The following GDPD2 variants were observed in gnomAD, a reference collection of about 807,000 sequenced individuals.
GDPD2 encodes glycerophosphodiester phosphodiesterase 3.
A neutral mutation model predicts 49.2 loss-of-function variants in GDPD2; 23 were observed. The observed-to-expected ratio is 0.47, with a 90% CI of 0.34 to 0.66. GDPD2 has a LOEUF of 0.66. Among genes scored for constraint, GDPD2 ranks in the 30% least tolerant of loss-of-function variants. The probability of loss-of-function intolerance (pLI) is 0.01; values close to 1 mark genes in which losing one functional copy is unlikely to be tolerated. For synonymous variants in GDPD2, 167 were observed against 171.4 expected (o/e 0.97, Z 0.20); for missense variants, 338 against 424.7 (o/e 0.80, Z 1.79).
rs10578514 is a variant in GDPD2, at chrX:70,428,092, TACAC to T, written c.936+654_936+657del. Among the ~76,000 whole-genome samples the T allele has an allele frequency of 8.0e-3, 846 of 106,213 alleles. 10 individuals carry two copies. The highest frequency in any genetic ancestry group is 0.046 in the East Asian group (157 of 3,378). 92.2% of individuals were successfully genotyped at this position (106,213 alleles called of 115,157 possible). ...GAAATATTCACTGTTAACAGTTGGA[TACAC>T]ACACACACACACACACACACACACT... On this transcript the variant is annotated intron_variant, in intron 10 of 15. Transcript: ENST00000374382.
chrX:70,432,842 C>G (rs1412091616), intron 14 of GDPD2, 70 bp from the exon 15 acceptor site: 11 of 868,539 alleles, frequency 1.3e-5, no homozygotes, highest in African/African-American at 3.9e-5. Context: ...TTGGGGGGAG[C>G]AGGTGTGGGG....
intron 10 of GDPD2, chrX:70,427,860 G>C (rs1035979843): frequency 7.8e-6 from 1 of 128,865 alleles, no homozygotes; most frequent in Non-Finnish European, 1.6e-5. Flanking sequence ...AGGGAGCAGA[G>C]GCTTGGCCTT....
intron 10 of GDPD2, 143 bp from the exon 11 acceptor site, chrX:70,429,350 G>A: frequency 2.2e-6 from 1 of 455,642 alleles, no homozygotes; most frequent in East Asian, 3.7e-5. Context: ...CGGTCTGGAA[G>A]AAGGCCACAG....
intron 6 of GDPD2, 41 bp from the exon 7 acceptor site, chrX:70,426,607 G>A: frequency 2.7e-6 from 3 of 1,092,609 alleles, no homozygotes; most frequent in Admixed American, 2.3e-5. Context: ...AGCGGGGAGG[G>A]GCACTGGAGA....
In GDPD2 at chrX:70,425,858, T is replaced by G; in HGVS notation, c.303+2T>G. The G allele has an allele frequency of 8.9e-7, 1 of 1,125,883 alleles. No individual in the cohort carries two copies. The highest frequency in any genetic ancestry group is 3.0e-5 in the East Asian group (1 of 33,458). 92.8% of individuals were successfully genotyped at this position (1,125,883 alleles called of 1,213,427 possible). ...GTCACATATGCATCCTTGCTATTGG[T>G]GGGTCCGGAGGCCGCTGGCCTAACC... On this transcript the variant is annotated splice_donor_variant, in intron 4 of 15. Transcript: ENST00000374382. LOFTEE classifies it high-confidence loss of function.
intron 10 of GDPD2, chrX:70,427,784 A>C (rs2086439585): frequency 5.6e-6 from 1 of 178,098 alleles, no homozygotes; most frequent in Admixed American, 7.0e-5. Flanking sequence ...AGAAGTCTGA[A>C]AAAGGGTGTT....
rs1220534857 is a variant in GDPD2, at chrX:70,429,603, C to T, written c.1047C>T (p.Asn349=). 6.6e-6 allele frequency: 8 copies of T among 1,206,539 alleles called. No individual in the cohort carries two copies. The highest frequency in any genetic ancestry group is 3.0e-5 in the East Asian group (1 of 33,815). ...EELLEEAAAL[N]LSIMFDLRRP... Reference sequence around the variant, plus strand: ...TATTGGAGGAAGCTGCAGCCCTCAACCTTTCCATCATGTTCGACTTGCGCC... The same window carrying T: ...TATTGGAGGAAGCTGCAGCCCTCAATCTTTCCATCATGTTCGACTTGCGCC... The change falls in exon 11 of 16, where the codon AAC becomes AAT. Residue 349 remains asparagine (N), a synonymous_variant. Transcript: ENST00000374382.
intron 3 of GDPD2, 35 bp downstream of exon 3, chrX:70,425,492 C>T (rs1164182775): frequency 2.1e-6 from 2 of 937,524 alleles, no homozygotes; most frequent in South Asian, 1.9e-5. Context: ...CCCCAGCATA[C>T]CTGTCAACCT....
At chrX:70,427,280 A>T (rs2086434750) in intron 9 of GDPD2, 33 bp from the exon 10 acceptor site, 1 of 1,206,899 alleles carries the variant, frequency 8.3e-7, no homozygotes, top group Non-Finnish European at 1.1e-6. Context: ...CCAGCCCCAG[A>T]GCTTGGCCCT....
At chrX:70,431,186 C>T in intron 12 of GDPD2, 1 of 906,895 alleles carries the variant, frequency 1.1e-6, no homozygotes, top group Non-Finnish European at 1.5e-6. Context: ...GGGTTTGGTT[C>T]TCACCTTAGT....
Position 70,431,275 on chromosome X carries a change from A to G in GDPD2, c.1308-1032A>G, listed in dbSNP as rs892530303. The G allele has an allele frequency of 4.6e-5, 21 of 459,530 alleles. No individual in the cohort carries two copies. The African/African-American group carries it at 5.1e-4, about 11-fold the overall frequency. The allele number at this position is 459,530 out of a possible 1,213,427, so 37.9% of individuals were successfully genotyped here. A position where few individuals can be genotyped will look rare whatever the true frequency, so the allele number is the denominator to read the frequency against. ...ATGTGAATTGGTATTGAATACACTG[A>G]TGATGGAATCGAGGCCCTGAAAGGT... is the stretch of plus-strand genomic sequence containing the variant. On this transcript the variant is annotated intron_variant, in intron 12 of 15. Coordinates refer to ENST00000374382, the MANE Select transcript of GDPD2 (RefSeq NM_017711.4).
At chrX:70,426,159 C>A in intron 5 of GDPD2, 48 bp downstream of exon 5, 1 of 1,059,483 alleles carries the variant, frequency 9.4e-7, no homozygotes, top group Non-Finnish European at 1.3e-6. Context: ...CTGGGCTCAG[C>A]ACTTGGCTGG....
intron 1 of GDPD2, 140 bp downstream of exon 1, chrX:70,423,522 C>T (rs925191286): frequency 8.9e-5 from 10 of 111,868 alleles, no homozygotes; most frequent in African/African-American, 2.9e-4. Context: ...GCTGCTCAGA[C>T]CCTGATCCCA....
Position 70,427,148 on chromosome X carries a change from G to A in GDPD2, c.714G>A (p.Glu238=). The A allele has an allele frequency of 8.3e-7, 1 of 1,205,127 alleles. No individual in the cohort carries two copies. Among genetic ancestry groups the A allele is most frequent in the Non-Finnish European group, 1.1e-6 (1 of 889,688 alleles). ...GHRGAPMLAP[E]NTLMSLRKTA... ...ATTCCCTTTCCCAGCTGGCTCCCGA[G>A]AACACCCTGATGTCCTTGCGGAAGA... The change falls in exon 9 of 16, where the codon GAG becomes GAA. Residue 238 remains glutamate (E), a synonymous_variant. Transcript: ENST00000374382.
intron 1 of GDPD2, among the ~76,000 whole-genome samples, chrX:70,423,754 C>T (rs996442695): frequency 1.8e-5 from 2 of 111,101 alleles, no homozygotes; most frequent in African/African-American, 6.6e-5. Flanking sequence ...TACCCTAACC[C>T]TCCTTTCCCA....
intron 1 of GDPD2, among the ~76,000 whole-genome samples, chrX:70,424,336 C>T (rs771875900): frequency 1.2e-3 from 131 of 111,599 alleles, no homozygotes; most frequent in African/African-American, 4.1e-3. Flanking sequence ...AACATGTTCA[C>T]CTCAAGTCTT....
At chrX:70,431,218 T>A in intron 12 of GDPD2, 1 of 639,360 alleles carries the variant, frequency 1.6e-6, no homozygotes, top group Non-Finnish European at 2.4e-6. Flanking sequence ...CAATATCAGC[T>A]GCTAATCAAC....
At chrX:70,432,856 G>A in intron 14 of GDPD2, 56 bp from the exon 15 acceptor site, 1 of 999,059 alleles carries the variant, frequency 1.0e-6, no homozygotes, top group East Asian at 3.0e-5. Flanking sequence ...TGTGGGGGCT[G>A]GAAGGGCCTG....
intron 3 of GDPD2, 118 bp downstream of exon 3, chrX:70,425,575 GC>G: frequency 1.8e-6 from 1 of 571,211 alleles, no homozygotes; most frequent in East Asian, 3.3e-5. Flanking sequence ...CTCAAACCCA[GC>G]TCTGCTGCTA....
Sources: allele counts gnomAD v4.1 joint callset (sites outside exome capture counted in the v4.1 genomes callset), GRCh38; gene constraint gnomAD v4.1.1; transcripts MANE v1.5; gene names NCBI Gene and HGNC (gene_info 2026-07-23, HGNC 2026-07-21).